Variants in SDK1 observed in about 807,000 individuals in gnomAD.
SDK1 encodes protein sidekick-1.
Under a neutral mutation model 245.5 loss-of-function variants are expected in SDK1, and 157 were observed. The ratio of observed to expected loss-of-function variants is 0.64; its 90% CI spans 0.56 to 0.73. The LOEUF is 0.73. SDK1 is among the 30% of genes least tolerant of loss of function. The probability of loss-of-function intolerance (pLI) is 0.00; values close to 1 mark genes in which losing one functional copy is unlikely to be tolerated. For synonymous variants in SDK1, 1,647 were observed against 1,278.5 expected, an observed-to-expected ratio of 1.29 and a Z score of -6.15; for missense variants, 3,583 against 3,002.3, an observed-to-expected ratio of 1.19 and a Z score of -4.52.
chr7:4,048,326 C>A (rs1789170424), intron 17 of SDK1, among the ~76,000 whole-genome samples: 1 of 152,262 alleles, frequency 6.6e-6, no homozygotes, highest in African/African-American at 2.4e-5. Context: ...CTCTGCAGGC[C>A]ACTGGGGTTC....
intron 38 of SDK1, among the ~76,000 whole-genome samples, chr7:4,213,454 A>C (rs1019384088): frequency 6.6e-6 from 1 of 151,734 alleles, no homozygotes; most frequent in Non-Finnish European, 1.5e-5. Flanking sequence ...GCATGGTGGC[A>C]TGTGCCTGTA....
At position 3,950,227 on chromosome 7, in the gene SDK1, C is replaced by T. The variant is rs533035956; in HGVS notation, c.848-696C>T. ...CACTGGCTGTGCTTGGACCCCATCT[C>T]ATGTGGTCTGAGAAAGGCCAGGGAC... On this transcript the variant is annotated intron_variant, in intron 5 of 44. Transcript: ENST00000404826. Among the ~76,000 whole-genome samples, 102 of 152,326 alleles carry T rather than the reference C, an allele frequency of 6.7e-4. 4 individuals are homozygous for T. The South Asian group carries it at 0.02, about 30-fold the overall frequency.
At chr7:3,570,195 A>T (rs994373620) in intron 1 of SDK1, among the ~76,000 whole-genome samples, 58 of 152,118 alleles carry the variant, frequency 3.8e-4, no homozygotes, top group Non-Finnish European at 8.1e-4. Context: ...GACTGGTTTC[A>T]TGGAAGATAG....
chr7:3,400,007 A>G (rs1778844764), intron 1 of SDK1, among the ~76,000 whole-genome samples: 2 of 152,102 alleles, frequency 1.3e-5, no homozygotes, highest in Non-Finnish European at 2.9e-5. Context: ...CATGACATCA[A>G]GTAATGATAA....
chr7:4,031,619 A>G (rs1475106469), intron 17 of SDK1, among the ~76,000 whole-genome samples: 1 of 152,232 alleles, frequency 6.6e-6, no homozygotes, highest in Non-Finnish European at 1.5e-5. Context: ...ATATGTATGT[A>G]GAGAAATATA....
At chr7:4,208,643 C>G (rs1481370595) in intron 37 of SDK1, among the ~76,000 whole-genome samples, 1 of 152,244 alleles carries the variant, frequency 6.6e-6, no homozygotes, top group African/African-American at 2.4e-5. Flanking sequence ...AACTTCCCAT[C>G]AGGGGCGCCT....
At position 3,950,666 on chromosome 7, in the gene SDK1, C is replaced by T. The variant is rs112204221; in HGVS notation, c.848-257C>T. Among the ~76,000 whole-genome samples, 490 of 152,228 alleles carry T rather than the reference C, an allele frequency of 3.2e-3. 5 individuals carry two copies. Among genetic ancestry groups the T allele is most frequent in the Non-Finnish European group, 4.8e-3 (326 of 68,026 alleles). ...TAAACCCACCGGAAGTTGAAAATATCGGAAGTCAAAACGCGCTTTTGTAGC... is the reference window on the plus strand; with the variant it reads ...TAAACCCACCGGAAGTTGAAAATATTGGAAGTCAAAACGCGCTTTTGTAGC... On this transcript the variant is annotated intron_variant, in intron 5 of 44. Coordinates refer to ENST00000404826, the MANE Select transcript of SDK1 (RefSeq NM_152744.4).
chr7:3,411,873 C>T (rs1238056395), intron 1 of SDK1, among the ~76,000 whole-genome samples: 1 of 151,930 alleles, frequency 6.6e-6, no homozygotes. Context: ...GAACCCATTG[C>T]CTAGAAATCT....
chr7:3,754,484 A>G (rs1258520119), intron 4 of SDK1, among the ~76,000 whole-genome samples: 2 of 152,086 alleles, frequency 1.3e-5, no homozygotes, highest in African/African-American at 2.4e-5. Flanking sequence ...GCCTTTGGAG[A>G]TATTCTATCA....
At chr7:3,343,669 T>C (rs1333124720) in intron 1 of SDK1, among the ~76,000 whole-genome samples, 2 of 152,178 alleles carry the variant, frequency 1.3e-5, no homozygotes, top group African/African-American at 4.8e-5. Context: ...GAATGGGATC[T>C]CTGTAGTATT....
chr7:3,925,985 G>C (rs946001518), intron 5 of SDK1, among the ~76,000 whole-genome samples: 3 of 152,232 alleles, frequency 2.0e-5, no homozygotes, highest in Non-Finnish European at 4.4e-5. Flanking sequence ...AAAGTAAAGA[G>C]GGTCTCAGGA....
Position 3,987,205 on chromosome 7 carries a change from C to G in SDK1, c.2014C>G (p.Gln672Glu), listed in dbSNP as rs1394999808. The G allele has an allele frequency of 3.1e-6, 5 of 1,614,146 alleles. No individual in the cohort carries two copies. Among genetic ancestry groups the G allele is most frequent in the South Asian group, 2.2e-5 (2 of 91,072 alleles). Residue 672 changes from glutamine to glutamate, a missense_variant, in exon 14 of 45, where the codon CAG (glutamine) becomes GAG (glutamate). Physicochemically the swap from Gln to Glu is conservative, Grantham distance 29. Transcript: ENST00000404826. ...LEVIELPHSP[Q>E]NLLVSPNSSH... Reference sequence around the variant, plus strand: ...TTCAAGTGAACTGCCTCATTCACCTCAGAACCTCCTGGTCAGCCCTAATTC... The same window carrying G: ...TTCAAGTGAACTGCCTCATTCACCTGAGAACCTCCTGGTCAGCCCTAATTC...
intron 1 of SDK1, among the ~76,000 whole-genome samples, chr7:3,428,309 T>C (rs1337784483): frequency 2.0e-5 from 3 of 152,186 alleles, no homozygotes; most frequent in Admixed American, 6.5e-5. Flanking sequence ...TTGAGTCTTA[T>C]TATTGGCAGA....
At chr7:3,796,010 G>A (rs1778952896) in intron 4 of SDK1, among the ~76,000 whole-genome samples, 1 of 152,180 alleles carries the variant, frequency 6.6e-6, no homozygotes. Flanking sequence ...AAAAATCGTA[G>A]ACTGTTTTTT....
intron 1 of SDK1, among the ~76,000 whole-genome samples, chr7:3,371,925 A>G (rs1781237955): frequency 6.6e-6 from 1 of 152,212 alleles, no homozygotes; most frequent in Admixed American, 6.5e-5. Flanking sequence ...TTAGGATAAA[A>G]CAATCCCAGG....
chr7:4,152,666 C>G (rs911917413), intron 30 of SDK1, among the ~76,000 whole-genome samples: 1 of 152,132 alleles, frequency 6.6e-6, no homozygotes, highest in Non-Finnish European at 1.5e-5. Flanking sequence ...CTCTGCCTAT[C>G]AATAGAGAAC....
intron 4 of SDK1, among the ~76,000 whole-genome samples, chr7:3,770,543 C>T (rs1003404528): frequency 1.3e-5 from 2 of 152,152 alleles, no homozygotes; most frequent in African/African-American, 4.8e-5. Flanking sequence ...TCCAGAGTGC[C>T]TGTAGCATTT....
chr7:4,006,869 G>A (rs1381608497), intron 14 of SDK1, among the ~76,000 whole-genome samples: 4 of 152,214 alleles, frequency 2.6e-5, no homozygotes, highest in Admixed American at 2.6e-4. Flanking sequence ...CACTCGGAGT[G>A]AACAAACAGC....
chr7:3,515,031 G>A (rs1402975069), intron 1 of SDK1, among the ~76,000 whole-genome samples: 1 of 152,142 alleles, frequency 6.6e-6, no homozygotes, highest in African/African-American at 2.4e-5. Context: ...CTTGGAGGGT[G>A]CCTTTGGCAC....
Sources: allele counts gnomAD v4.1 joint callset (sites outside exome capture counted in the v4.1 genomes callset), GRCh38; gene constraint gnomAD v4.1.1; transcripts MANE v1.5; gene names NCBI Gene and HGNC (gene_info 2026-07-23, HGNC 2026-07-21).